The following SPCS3 variants were observed in gnomAD, a reference collection of about 807,000 sequenced individuals.
SPCS3 encodes the protein signal peptidase complex subunit 3.
A neutral mutation model predicts 17.2 loss-of-function variants in SPCS3; 9 were observed. The ratio of observed to expected loss-of-function variants is 0.52; its 90% confidence interval spans 0.31 to 0.91. The LOEUF (loss-of-function observed/expected upper bound fraction) is 0.91. Among genes scored for constraint, SPCS3 ranks in the 40% least tolerant of loss-of-function variants. The pLI is 0.04. For synonymous variants in SPCS3, 87 were observed against 89.6 expected, an observed-to-expected ratio of 0.97 and a Z score of 0.16; for missense variants, 139 against 217.5, an observed-to-expected ratio of 0.64 and a Z score of 2.27.
In SPCS3 at chr4:176,328,413, G is replaced by A; in HGVS notation, c.*83G>A. 2.3e-6 allele frequency: 2 copies of A among 860,410 alleles called. No individual in the cohort carries two copies. The highest frequency in any genetic ancestry group is 3.0e-6 in the Non-Finnish European group (2 of 664,070). The allele number at this position is 860,410 out of a possible 1,614,324, so 53.3% of individuals were successfully genotyped here. A position where few individuals can be genotyped will look rare whatever the true frequency, so the allele number is the denominator to read the frequency against. On this transcript the variant is annotated 3_prime_UTR_variant, in exon 5 of 5. Coordinates refer to ENST00000503362, the MANE Select transcript of SPCS3 (RefSeq NM_021928.4). ...CTCTTCCCTTACATCTTCATGTATT[G>A]TTGGTTTGTTTTTTGGTTTTGGGTT...
intron 3 of SPCS3, among the ~76,000 whole-genome samples, chr4:176,325,863 C>T (rs1731599751): frequency 6.6e-6 from 1 of 151,986 alleles, no homozygotes; most frequent in African/African-American, 2.4e-5. Flanking sequence ...CCTGCCTCAG[C>T]CCCCCAAGTA....
At chr4:176,325,091 G>T (rs1169859711) in intron 3 of SPCS3, among the ~76,000 whole-genome samples, 4 of 141,382 alleles carry the variant, frequency 2.8e-5, no homozygotes, top group Non-Finnish European at 6.0e-5. Context: ...CGTGCTTGTA[G>T]CCCGGGCTGG....
rs1286195644 is a variant in SPCS3 at position 176,331,625 on chromosome 4, T to TA, written c.*3296dup. On this transcript the variant is annotated 3_prime_UTR_variant, in exon 5 of 5. Transcript: ENST00000503362. ...TTTTTCTGAGACGGAGATCTGCTCT[T>TA]ACGCCCAGGCTAGAGTGAAGTGGCG... The TA allele has an allele frequency of 5.3e-5, 8 of 152,200 alleles. No homozygotes were observed. Among genetic ancestry groups the TA allele is most frequent in the African/African-American group, 1.9e-4 (8 of 41,444 alleles). 9.4% of individuals were successfully genotyped at this position (152,200 alleles called of 1,614,324 possible).
At chr4:176,320,354 C>A in intron 1 of SPCS3, 135 bp downstream of exon 1, 1 of 844,614 alleles carries the variant, frequency 1.2e-6, no homozygotes, top group Non-Finnish European at 1.5e-6. Flanking sequence ...AGCGGCAGTT[C>A]GCCCCCGAGG....
In SPCS3 at chr4:176,330,982, CA is replaced by C. The variant is rs1731678286; in HGVS notation, c.*2657del. On this transcript the variant is annotated 3_prime_UTR_variant, in exon 5 of 5. Coordinates refer to ENST00000503362, the MANE Select transcript of SPCS3 (RefSeq NM_021928.4). ...TTTCTTTATTCTGAAAGGAAAATAACAAAAACTTCAGAAATTCCTAAGGGTG... is the reference window on the plus strand; with the variant it reads ...TTTCTTTATTCTGAAAGGAAAATAACAAAACTTCAGAAATTCCTAAGGGTG... 1 of 152,070 alleles carries C rather than the reference CA, an allele frequency of 6.6e-6. No individual in the cohort carries two copies. Among genetic ancestry groups the C allele is most frequent in the Non-Finnish European group, 1.5e-5 (1 of 68,000 alleles). The allele number at this position is 152,070 out of a possible 1,614,324, so 9.4% of individuals were successfully genotyped here.
Position 176,331,815 on chromosome 4 carries a change from C to CG in SPCS3, c.*3485_*3486insG, listed in dbSNP as rs999364528. On this transcript the variant is annotated 3_prime_UTR_variant, in exon 5 of 5. Coordinates refer to ENST00000503362, the MANE Select transcript of SPCS3 (RefSeq NM_021928.4). ...TGTTGGCCAGGCTGGTCTCAAACTC[C>CG]TGACCTCAAGTGATCCACCTGCCTC... The CG allele has an allele frequency of 1.1e-4, 17 of 152,172 alleles. No homozygotes were observed. Among genetic ancestry groups the CG allele is most frequent in the African/African-American group, 4.1e-4 (17 of 41,434 alleles). The allele number at this position is 152,172 out of a possible 1,614,324, so 9.4% of individuals were successfully genotyped here.
intron 1 of SPCS3, chr4:176,320,708 T>C (rs1253089242): frequency 2.0e-5 from 3 of 152,594 alleles, no homozygotes; most frequent in Admixed American, 6.5e-5. Context: ...GACGGGGTTG[T>C]CTTTGTGTCA....
At position 176,331,445 on chromosome 4, in the gene SPCS3, TC is replaced by T; in HGVS notation, c.*3116del. On this transcript the variant is annotated 3_prime_UTR_variant, in exon 5 of 5. Transcript: ENST00000503362. The stretch of plus-strand genomic sequence containing the variant: ...CCTGTATATGTTACATGTGTGACTT[TC>T]AGTAGTTTAAAGAGATGTTTCAAAA... 6.6e-6 allele frequency: 1 copy of T among 152,178 alleles called. No homozygotes were observed. Among genetic ancestry groups the T allele is most frequent in the East Asian group, 1.9e-4 (1 of 5,194 alleles). The allele number at this position is 152,178 out of a possible 1,614,324, so 9.4% of individuals were successfully genotyped here.
In SPCS3 at chr4:176,327,283, C is replaced by T; in HGVS notation, c.410+6C>T. The T allele has an allele frequency of 1.3e-6, 2 of 1,482,170 alleles. No homozygotes were observed. The highest frequency in any genetic ancestry group is 1.8e-6 in the Non-Finnish European group (2 of 1,100,588). The allele number at this position is 1,482,170 out of a possible 1,614,324, so 91.8% of individuals were successfully genotyped here. A position where few individuals can be genotyped will look rare whatever the true frequency, so the allele number is the denominator to read the frequency against. On this transcript the variant is annotated splice_donor_region_variant and intron_variant, in intron 4 of 4. Transcript: ENST00000503362. ...GACGATGGAAATGGTCTCAAGTGAGCAATTCTTGGTCATTTTTTTACATTT... is the reference window on the plus strand; with the variant it reads ...GACGATGGAAATGGTCTCAAGTGAGTAATTCTTGGTCATTTTTTTACATTT...
chr4:176,325,700 G>A lies in SPCS3; in HGVS notation c.294+1443G>A, dbSNP rs191782076. ...AGGGTTGCATGGGATTCATTAATCT[G>A]AGTATCTGAGTACTTGAACTGGTTT... On this transcript the variant is annotated intron_variant, in intron 3 of 4. Transcript: ENST00000503362. Among the ~76,000 whole-genome samples, 542 of 152,130 alleles carry A rather than the reference G, an allele frequency of 3.6e-3. 3 individuals carry two copies. Among genetic ancestry groups the A allele is most frequent in the Non-Finnish European group, 5.6e-3 (380 of 68,000 alleles).
At position 176,320,145 on chromosome 4, in the gene SPCS3, CT is replaced by C; in HGVS notation, c.71del (p.Phe24SerfsTer25). 6.3e-7 allele frequency: 1 copy of C among 1,583,388 alleles called. No individual in the cohort carries two copies. Among genetic ancestry groups the C allele is most frequent in the Non-Finnish European group, 8.6e-7 (1 of 1,165,890 alleles). ...FSLSVMAALT[F>X]GCFITTAFKD... Reference sequence around the variant, plus strand: ...CGCTGAGCGTGATGGCGGCGCTCACCTTCGGCTGCTTCATCACCACCGCCTT... The same window carrying C: ...CGCTGAGCGTGATGGCGGCGCTCACCTCGGCTGCTTCATCACCACCGCCTT... On this transcript the variant is annotated frameshift_variant, in exon 1 of 5. Coordinates refer to ENST00000503362, the MANE Select transcript of SPCS3 (RefSeq NM_021928.4). LOFTEE classifies it high-confidence loss of function.
rs889080427 is a variant in SPCS3 at position 176,320,011 on chromosome 4, C to T, written c.-66C>T. ...GCAGACGGCGCGGATCGCAGGGAGC[C>T]GGTCCGCCGCCGGAACGGGAGCCTG... On this transcript the variant is annotated 5_prime_UTR_variant, in exon 1 of 5. Coordinates refer to ENST00000503362, the MANE Select transcript of SPCS3 (RefSeq NM_021928.4). 7.0e-6 allele frequency: 10 copies of T among 1,427,234 alleles called. No homozygotes were observed. Among genetic ancestry groups the T allele is most frequent in the Middle Eastern group, 1.9e-4 (1 of 5,186 alleles). 88.4% of individuals were successfully genotyped at this position (1,427,234 alleles called of 1,614,324 possible).
chr4:176,324,266 A>G lies in SPCS3; in HGVS notation c.294+9A>G, dbSNP rs987036710. Reference sequence around the variant, plus strand: ...ATTCAACAAAAAATAATGTAAGTATATCTAATTAGAAGTATTTTAATAGCT... The same window carrying G: ...ATTCAACAAAAAATAATGTAAGTATGTCTAATTAGAAGTATTTTAATAGCT... On this transcript the variant is annotated intron_variant, in intron 3 of 4. Transcript: ENST00000503362. The G allele has an allele frequency of 9.2e-7, 1 of 1,084,808 alleles. No homozygotes were observed. Among genetic ancestry groups the G allele is most frequent in the Non-Finnish European group, 1.3e-6 (1 of 783,242 alleles). The allele number at this position is 1,084,808 out of a possible 1,614,324, so 67.2% of individuals were successfully genotyped here. A position where few individuals can be genotyped will look rare whatever the true frequency, so the allele number is the denominator to read the frequency against.
intron 3 of SPCS3, among the ~76,000 whole-genome samples, chr4:176,325,470 T>G (rs7674490): frequency 0.68 from 103,044 of 151,622 alleles, 36,485 homozygotes; most frequent in African/African-American, 0.89. Context: ...TCATTATGAC[T>G]ATATATAATC....
intron 1 of SPCS3, chr4:176,320,513 C>T (rs923432802): frequency 4.9e-5 from 9 of 184,140 alleles, no homozygotes; most frequent in Non-Finnish European, 8.9e-5. Flanking sequence ...TCCTCACTTC[C>T]CTCCACCCAC....
At position 176,330,592 on chromosome 4, in the gene SPCS3, TGG is replaced by T. The variant is rs1484286559; in HGVS notation, c.*2264_*2265del. On this transcript the variant is annotated 3_prime_UTR_variant, in exon 5 of 5. Transcript: ENST00000503362. ...TGCTCAGAAAAAGAATGCTCCAACA[TGG>T]GAATAAGGACCTTCAGTCTCAGGAA... 50 of 152,342 alleles carry T rather than the reference TGG, an allele frequency of 3.3e-4. No homozygotes were observed. Among genetic ancestry groups the T allele is most frequent in the African/African-American group, 1.1e-3 (46 of 41,592 alleles). 9.4% of individuals were successfully genotyped at this position (152,342 alleles called of 1,614,324 possible). A position where few individuals can be genotyped will look rare whatever the true frequency, so the allele number is the denominator to read the frequency against.
chr4:176,319,985 C>T lies in SPCS3; in HGVS notation c.-92C>T, dbSNP rs2305506. On this transcript the variant is annotated 5_prime_UTR_variant, in exon 1 of 5. Transcript: ENST00000503362. ...GCGCGCGCTCCCGGAACGCGCGCAC[C>T]GCAGACGGCGCGGATCGCAGGGAGC... 177,102 of 1,357,770 alleles carry T rather than the reference C, an allele frequency of 0.13. 12,491 individuals carry two copies. Among genetic ancestry groups the T allele is most frequent in the East Asian group, 0.18 (6,090 of 33,874 alleles). 84.1% of individuals were successfully genotyped at this position (1,357,770 alleles called of 1,614,324 possible).
rs1280738992 is a variant in SPCS3, at chr4:176,332,231, T to C, written c.*3901T>C. ...GCACATAATAGGCGCCCAATAAATATTGATGAAGAATGAAGGCGTTGTGTT... is the reference window on the plus strand; with the variant it reads ...GCACATAATAGGCGCCCAATAAATACTGATGAAGAATGAAGGCGTTGTGTT... On this transcript the variant is annotated 3_prime_UTR_variant, in exon 5 of 5. Coordinates refer to ENST00000503362, the MANE Select transcript of SPCS3 (RefSeq NM_021928.4). 2.0e-5 allele frequency: 3 copies of C among 152,216 alleles called. No homozygotes were observed. The highest frequency in any genetic ancestry group is 4.8e-5 in the African/African-American group (2 of 41,468). The allele number at this position is 152,216 out of a possible 1,614,324, so 9.4% of individuals were successfully genotyped here. A position where few individuals can be genotyped will look rare whatever the true frequency, so the allele number is the denominator to read the frequency against.
Position 176,327,284 on chromosome 4 carries a change from A to G in SPCS3, c.410+7A>G, listed in dbSNP as rs1488097293. The G allele has an allele frequency of 2.0e-6, 3 of 1,479,146 alleles. No homozygotes were observed. The highest frequency in any genetic ancestry group is 1.3e-5 in the South Asian group (1 of 75,370). 91.6% of individuals were successfully genotyped at this position (1,479,146 alleles called of 1,614,324 possible). ...ACGATGGAAATGGTCTCAAGTGAGC[A>G]ATTCTTGGTCATTTTTTTACATTTA... On this transcript the variant is annotated splice_region_variant and intron_variant, in intron 4 of 4. Coordinates refer to ENST00000503362, the MANE Select transcript of SPCS3 (RefSeq NM_021928.4).
Sources: gnomAD v4.1 joint callset for allele counts (sites outside exome capture counted in the v4.1 genomes callset) on GRCh38, gnomAD v4.1.1 for gene constraint, MANE v1.5 for transcripts, NCBI Gene and HGNC (gene_info 2026-07-23, HGNC 2026-07-21) for gene names.